THNSL2: variants seen among roughly 807,000 people sequenced by gnomAD.
THNSL2 encodes threonine synthase like 2.
In THNSL2, 34 loss-of-function variants were observed where a neutral mutation model predicts 40.0. The ratio of observed to expected loss-of-function variants is 0.85; its 90% CI spans 0.65 to 1.13. THNSL2 has a LOEUF of 1.13. Among genes scored for constraint, THNSL2 ranks in the 50% most tolerant of loss-of-function variants. THNSL2 has a pLI of 0.00. For synonymous variants in THNSL2, 241 were observed against 247.5 expected (o/e 0.97, Z 0.25); for missense variants, 537 against 608.8 (o/e 0.88, Z 1.24).
In THNSL2 at chr2:88,186,236, T is replaced by C; in HGVS notation, c.*113T>C. ...GGTTAGGAGGTTTCCGGGAGGCTGC[T>C]CAGCTGGATCTGGAGCCAGCTGGCT... On this transcript the variant is annotated 3_prime_UTR_variant, in exon 9 of 9. Coordinates refer to ENST00000674334, the MANE Select transcript of THNSL2 (RefSeq NM_018271.5). 9.3e-7 allele frequency: 1 copy of C among 1,073,670 alleles called. No individual in the cohort carries two copies. The highest frequency in any genetic ancestry group is 1.4e-6 in the Non-Finnish European group (1 of 733,110). 66.5% of individuals were successfully genotyped at this position (1,073,670 alleles called of 1,614,324 possible). A position where few individuals can be genotyped will look rare whatever the true frequency, so the allele number is the denominator to read the frequency against.
intron 5 of THNSL2, among the ~76,000 whole-genome samples, chr2:88,179,380 A>G (rs1190308627): frequency 1.3e-5 from 2 of 152,298 alleles, no homozygotes; most frequent in South Asian, 2.1e-4. Flanking sequence ...CAGCTACCCA[A>G]TGTGAGGGCA....
chr2:88,175,559 G>A, intron 4 of THNSL2, 158 bp downstream of exon 4: 1 of 871,738 alleles, frequency 1.1e-6, no homozygotes, highest in Non-Finnish European at 1.8e-6. Flanking sequence ...GCTCAGCTCT[G>A]GGCAGGGTTC....
intron 1 of THNSL2, chr2:88,172,250 A>G (rs1676451979): frequency 6.6e-6 from 1 of 152,290 alleles, no homozygotes; most frequent in South Asian, 2.1e-4. Context: ...GGCTCCTGGG[A>G]AAGTAACTGA....
intron 3 of THNSL2, 88 bp from the exon 4 acceptor site, chr2:88,175,161 A>G: frequency 4.2e-6 from 6 of 1,418,452 alleles, no homozygotes; most frequent in East Asian, 2.4e-5. Flanking sequence ...ATGTTGCTAT[A>G]TTTGACAACA....
rs1678282531 is a variant in THNSL2, at chr2:88,186,265, C to T, written c.*142C>T. ...CTGGATCTGGAGCCAGCTGGCTTTG[C>T]TCCGTTCCCTGGCTAGTCTGTGCCT... On this transcript the variant is annotated 3_prime_UTR_variant, in exon 9 of 9. Coordinates refer to ENST00000674334, the MANE Select transcript of THNSL2 (RefSeq NM_018271.5). 1.2e-6 allele frequency: 1 copy of T among 822,290 alleles called. No homozygotes were observed. The highest frequency in any genetic ancestry group is 1.9e-6 in the Non-Finnish European group (1 of 514,122). 50.9% of individuals were successfully genotyped at this position (822,290 alleles called of 1,614,324 possible).
At chr2:88,182,236 G>A (rs1432233847) in intron 5 of THNSL2, among the ~76,000 whole-genome samples, 2 of 152,124 alleles carry the variant, frequency 1.3e-5, no homozygotes, top group East Asian at 1.9e-4. Flanking sequence ...CAGCAATGTG[G>A]GAATTTTCCA....
chr2:88,181,130 TCC>T (rs1677521799), intron 5 of THNSL2, among the ~76,000 whole-genome samples: 2 of 6,582 alleles, frequency 3.0e-4, no homozygotes, highest in Non-Finnish European at 5.0e-4. Flanking sequence ...CTCCTCTCTC[TCC>T]TCTCTCTCTC....
rs1241810926 is a variant in THNSL2, at chr2:88,170,393, A to C, written c.-76A>C. 45 of 139,302 alleles carry C rather than the reference A, an allele frequency of 3.2e-4. 1 individual carries two copies. In the South Asian group the frequency reaches 8.5e-3, roughly 26 times the overall value. 8.6% of individuals were successfully genotyped at this position (139,302 alleles called of 1,614,324 possible). A position where few individuals can be genotyped will look rare whatever the true frequency, so the allele number is the denominator to read the frequency against. On this transcript the variant is annotated 5_prime_UTR_variant, in exon 1 of 9. Transcript: ENST00000674334. ...GAGTGCGCACATTCGCAGCCCGGGC[A>C]GCCCTGCTGCGCACCGGGCCTCGCG...
intron 5 of THNSL2, among the ~76,000 whole-genome samples, chr2:88,181,540 C>CCT (rs1308583324): frequency 4.4e-4 from 37 of 83,810 alleles, no homozygotes; most frequent in Non-Finnish European, 8.4e-4. Flanking sequence ...CTCTCTCTCC[C>CCT]CTCTCTCTCC....
chr2:88,181,506 TCCTCTCTCTCTCCTCTCTCTCC>T (rs1558895806), intron 5 of THNSL2, among the ~76,000 whole-genome samples: 23 of 69,806 alleles, frequency 3.3e-4, no homozygotes, highest in Admixed American at 4.4e-4. Flanking sequence ...CCTCTCTCTC[TCCTCTCTCTCTCCTCTCTCTCC>T]CCTCTCTCTC....
At chr2:88,177,264 G>A (rs952231623) in intron 4 of THNSL2, 5 of 152,188 alleles carry the variant, frequency 3.3e-5, no homozygotes, top group African/African-American at 9.7e-5. Context: ...CCTTTCTAGA[G>A]CTTTCTGGTT....
intron 3 of THNSL2, among the ~76,000 whole-genome samples, 176 bp downstream of exon 3, chr2:88,175,009 A>G (rs939827091): frequency 5.3e-5 from 8 of 152,184 alleles, no homozygotes; most frequent in African/African-American, 1.9e-4. Flanking sequence ...AGGCTATGGA[A>G]CTTTCTCAGA....
intron 4 of THNSL2, among the ~76,000 whole-genome samples, chr2:88,177,508 CA>C (rs1677063005): frequency 6.6e-6 from 1 of 152,116 alleles, no homozygotes; most frequent in Non-Finnish European, 1.5e-5. Flanking sequence ...CTAGAAGTAG[CA>C]AAAAATTCAA....
intron 5 of THNSL2, 83 bp from the exon 6 acceptor site, chr2:88,182,616 T>C (rs1677802814): frequency 1.4e-6 from 2 of 1,405,588 alleles, no homozygotes; most frequent in South Asian, 3.6e-5. Flanking sequence ...AAAAGTTTCT[T>C]AATTTTGATG....
rs759180679 is a variant in THNSL2 at position 88,182,798 on chromosome 2, C to T, written c.902C>T (p.Ser301Phe). ...IHRTVQQGDF[S>F]LSEAVKSTLA... The stretch of plus-strand genomic sequence containing the variant: ...AGGACTGTCCAGCAGGGAGACTTCT[C>T]TCTCTCTGAGGCTGTTAAATCAACC... Residue 301 changes from serine to phenylalanine, a missense_variant, in exon 6 of 9, where the codon TCT becomes TTT. Transcript: ENST00000674334. The T allele has an allele frequency of 1.1e-5, 18 of 1,614,198 alleles. No individual in the cohort carries two copies. The highest frequency in any genetic ancestry group is 3.3e-4 in the Middle Eastern group (2 of 6,062).
chr2:88,185,947 G>A lies in THNSL2; in HGVS notation c.1279G>A (p.Ala427Thr), dbSNP rs970266831. 3 of 1,612,636 alleles carry A rather than the reference G, an allele frequency of 1.9e-6. No homozygotes were observed. The highest frequency in any genetic ancestry group is 8.5e-7 in the Non-Finnish European group (1 of 1,179,638). ...TGCCTCTGCAGCCAAGTTCCCGGAA[G>A]CTGTCCTGGCTGCTGGCCTGACCCC... ...APASAAKFPE[A>T]VLAAGLTPET... Residue 427 changes from alanine to threonine, a missense_variant, in exon 9 of 9, where the codon GCT becomes ACT. Coordinates refer to ENST00000674334, the MANE Select transcript of THNSL2 (RefSeq NM_018271.5).
intron 7 of THNSL2, among the ~76,000 whole-genome samples, chr2:88,184,959 G>A (rs1678105830): frequency 6.6e-6 from 1 of 152,170 alleles, no homozygotes; most frequent in East Asian, 1.9e-4. Flanking sequence ...CTTCCTGGGG[G>A]AGGTGCTCTG....
At chr2:88,178,016 G>A (rs77680746) in intron 4 of THNSL2, among the ~76,000 whole-genome samples, 27 of 152,302 alleles carry the variant, frequency 1.8e-4, no homozygotes, top group Middle Eastern at 3.4e-3. Context: ...TCTCTGGCAC[G>A]TTTCCCAGTA....
chr2:88,184,850 A>C (rs903484513), intron 7 of THNSL2, among the ~76,000 whole-genome samples: 6 of 152,204 alleles, frequency 3.9e-5, no homozygotes, highest in Non-Finnish European at 8.8e-5. Flanking sequence ...GGTGTATTGT[A>C]AGCATGCAAT....
Sources: gnomAD v4.1 joint callset for allele counts (sites outside exome capture counted in the v4.1 genomes callset) on GRCh38, gnomAD v4.1.1 for gene constraint, MANE v1.5 for transcripts, NCBI Gene and HGNC (gene_info 2026-07-23, HGNC 2026-07-21) for gene names.